The following IPO11 variants were observed in gnomAD, a reference collection of about 807,000 sequenced individuals.
IPO11 encodes the protein importin-11.
IPO11 carries 66 observed loss-of-function variants against 143.2 expected under a neutral mutation model. The ratio of observed to expected loss-of-function variants is 0.46; its 90% CI spans 0.38 to 0.57. The LOEUF is 0.57. Ranked by LOEUF, IPO11 falls within the 20% of genes least tolerant of loss-of-function variation. The probability of loss-of-function intolerance (pLI) is 0.00; values close to 1 mark genes in which losing one functional copy is unlikely to be tolerated. For missense variants in IPO11, 1,026 were observed against 1,141.0 expected (o/e 0.90, Z 1.45); for synonymous variants, 385 against 377.8 (o/e 1.02, Z -0.22).
intron 29 of IPO11, among the ~76,000 whole-genome samples, chr5:62,623,473 G>T (rs1361766877): frequency 6.6e-6 from 1 of 152,082 alleles, no homozygotes; most frequent in Non-Finnish European, 1.5e-5. Context: ...CCCAAGAGAG[G>T]GCTCTTGGAT....
chr5:62,417,019 G>A (rs763360895), intron 1 of IPO11, among the ~76,000 whole-genome samples: 19 of 152,062 alleles, frequency 1.2e-4, no homozygotes, highest in Non-Finnish European at 2.8e-4. Context: ...ATATGGGTGA[G>A]CCACCGTGCC....
chr5:62,562,219 GCTGGGCCCCT>G (rs1743796694), intron 27 of IPO11: 1 of 152,206 alleles, frequency 6.6e-6, no homozygotes, highest in Non-Finnish European at 1.5e-5. Context: ...AAGCCATTAT[GCTGGGCCCCT>G]ATTTTTTTGT....
At chr5:62,609,045 G>C (rs1400000074) in intron 29 of IPO11, among the ~76,000 whole-genome samples, 1 of 152,180 alleles carries the variant, frequency 6.6e-6, no homozygotes, top group African/African-American at 2.4e-5. Flanking sequence ...AGCAGAGTGT[G>C]ATGTTGCAGC....
At chr5:62,458,815 A>G (rs888180119) in intron 5 of IPO11, among the ~76,000 whole-genome samples, 1 of 152,188 alleles carries the variant, frequency 6.6e-6, no homozygotes, top group Non-Finnish European at 1.5e-5. Flanking sequence ...GCTGAACAGA[A>G]GAGATTTTGA....
intron 29 of IPO11, among the ~76,000 whole-genome samples, chr5:62,615,170 A>G (rs1746084019): frequency 6.6e-6 from 1 of 152,174 alleles, no homozygotes; most frequent in South Asian, 2.1e-4. Flanking sequence ...GCCTGTTCCC[A>G]TTTAGGGCCT....
At chr5:62,436,726 G>C (rs760754642) in intron 1 of IPO11, among the ~76,000 whole-genome samples, 3 of 152,028 alleles carry the variant, frequency 2.0e-5, no homozygotes, top group Non-Finnish European at 2.9e-5. Context: ...ATTTCATTTT[G>C]TATGTTTCTT....
At chr5:62,534,798 G>T (rs1235514702) in intron 22 of IPO11, among the ~76,000 whole-genome samples, 2 of 152,074 alleles carry the variant, frequency 1.3e-5, no homozygotes, top group East Asian at 1.9e-4. Context: ...CAAATGTCCT[G>T]TAGGGGACAA....
intron 1 of IPO11, among the ~76,000 whole-genome samples, chr5:62,422,155 T>C (rs765387574): frequency 3.3e-5 from 5 of 152,190 alleles, no homozygotes; most frequent in Non-Finnish European, 7.3e-5. Context: ...TGAGATGGAA[T>C]CTTGCTTGTT....
intron 28 of IPO11, among the ~76,000 whole-genome samples, chr5:62,595,523 A>G (rs1187111653): frequency 6.6e-6 from 1 of 152,228 alleles, no homozygotes; most frequent in Non-Finnish European, 1.5e-5. Context: ...CTGTGTGGAA[A>G]AAAATGGAAA....
rs141500869 is a variant in IPO11 at position 62,591,179 on chromosome 5, A to T, written c.2583-398A>T. Among the ~76,000 whole-genome samples the T allele has an allele frequency of 4.4e-3, 671 of 152,212 alleles. 9 individuals are homozygous for T. The South Asian group carries it at 0.045, about 10-fold the overall frequency. On this transcript the variant is annotated intron_variant, in intron 27 of 29. Coordinates refer to ENST00000325324, the MANE Select transcript of IPO11 (RefSeq NM_016338.5). Reference sequence around the variant, plus strand: ...ATCCTAGATTCAAGTCCATTACCAGATACTTGTTTTACAAATATTTTCTTC... The same window carrying T: ...ATCCTAGATTCAAGTCCATTACCAGTTACTTGTTTTACAAATATTTTCTTC...
chr5:62,621,461 A>G (rs1217172370), intron 29 of IPO11, among the ~76,000 whole-genome samples: 3 of 152,098 alleles, frequency 2.0e-5, no homozygotes, highest in African/African-American at 4.8e-5. Flanking sequence ...TGGGGCATAC[A>G]TTTCCCAAGG....
At chr5:62,626,997 A>G (rs79684263) in intron 29 of IPO11, among the ~76,000 whole-genome samples, 157 bp from the exon 30 acceptor site, 1 of 152,234 alleles carries the variant, frequency 6.6e-6, no homozygotes, top group East Asian at 1.9e-4. Context: ...TCTTTGACAG[A>G]TTTTTCCACC....
intron 21 of IPO11, among the ~76,000 whole-genome samples, chr5:62,530,180 T>C (rs1224290734): frequency 6.6e-6 from 1 of 152,212 alleles, no homozygotes; most frequent in East Asian, 1.9e-4. Context: ...GTAATAGTTA[T>C]GCTTTTGGTT....
chr5:62,560,922 G>A, intron 26 of IPO11: 1 of 373,852 alleles, frequency 2.7e-6, no homozygotes, highest in Non-Finnish European at 4.8e-6. Context: ...GAATAAGTCT[G>A]CTTAGCTGTC....
chr5:62,462,867 T>C (rs1225793849), intron 5 of IPO11, among the ~76,000 whole-genome samples: 1 of 151,292 alleles, frequency 6.6e-6, no homozygotes. Flanking sequence ...AACTAGGGGA[T>C]AGTTACTGTC....
At chr5:62,454,572 G>A (rs905897061) in intron 5 of IPO11, among the ~76,000 whole-genome samples, 5 of 152,174 alleles carry the variant, frequency 3.3e-5, no homozygotes, top group African/African-American at 9.7e-5. Flanking sequence ...AGGGCCTTAA[G>A]CTGGATAGCT....
intron 27 of IPO11, among the ~76,000 whole-genome samples, chr5:62,562,397 G>A (rs967157238): frequency 3.9e-5 from 6 of 152,180 alleles, no homozygotes; most frequent in Admixed American, 1.3e-4. Flanking sequence ...CCATGAACTG[G>A]GGGAGGGGAA....
chr5:62,415,197 A>C (rs1459324400), intron 1 of IPO11, among the ~76,000 whole-genome samples: 1 of 151,976 alleles, frequency 6.6e-6, no homozygotes, highest in Non-Finnish European at 1.5e-5. Flanking sequence ...GCGGGGTCTC[A>C]CTGTCACCTA....
chr5:62,484,922 C>T (rs34643874), intron 11 of IPO11, among the ~76,000 whole-genome samples: 2 of 148,604 alleles, frequency 1.3e-5, no homozygotes, highest in African/African-American at 2.5e-5. Context: ...TTTGAAACAT[C>T]TTTTTTCAAT....
Sources: gnomAD v4.1 joint callset for allele counts (sites outside exome capture counted in the v4.1 genomes callset) on GRCh38, gnomAD v4.1.1 for gene constraint, MANE v1.5 for transcripts, NCBI Gene and HGNC (gene_info 2026-07-23, HGNC 2026-07-21) for gene names.